DERA: variants seen among roughly 807,000 people sequenced by gnomAD.
DERA encodes the protein 2-deoxy-D-ribose 5-phosphate aldolase.
In DERA, 15 loss-of-function variants were observed where a neutral mutation model predicts 41.1. The ratio of observed to expected loss-of-function variants is 0.37; its 90% CI spans 0.24 to 0.56. The LOEUF (loss-of-function observed/expected upper bound fraction) is 0.56, where lower values mean the gene tolerates loss of function less well. Ranked by LOEUF, DERA falls within the 20% of genes least tolerant of loss-of-function variation. DERA has a pLI of 0.81. For missense variants in DERA, 396 were observed against 403.4 expected (o/e 0.98, Z 0.16); for synonymous variants, 139 against 137.4 (o/e 1.01, Z -0.08).
intron 1 of DERA, chr12:15,951,342 A>G (rs1418940206): frequency 2.0e-5 from 3 of 152,322 alleles, no homozygotes; most frequent in Non-Finnish European, 2.9e-5. Context: ...GAAACAGGGC[A>G]TTCTGACATC....
chr12:15,975,545 G>A (rs2136157903), intron 5 of DERA, among the ~76,000 whole-genome samples: 1 of 152,322 alleles, frequency 6.6e-6, no homozygotes, highest in South Asian at 2.1e-4. Context: ...TAGTCCCCAG[G>A]CAAGAAGGAG....
At chr12:16,032,366 A>C (rs867690340) in intron 6 of DERA, among the ~76,000 whole-genome samples, 176 bp from the exon 7 acceptor site, 20 of 152,304 alleles carry the variant, frequency 1.3e-4, no homozygotes, top group South Asian at 8.3e-4. Context: ...AGGGGGAAAA[A>C]GTATGGACAT....
intron 1 of DERA, among the ~76,000 whole-genome samples, chr12:15,952,280 G>T (rs1423603706): frequency 1.3e-5 from 2 of 152,128 alleles, no homozygotes; most frequent in Non-Finnish European, 2.9e-5. Flanking sequence ...ATGGATCTTG[G>T]TGTCATTTCC....
In DERA at chr12:15,989,666, T is replaced by A. The variant is rs1948788458; in HGVS notation, c.637+7230T>A. 6.6e-6 allele frequency among the ~76,000 whole-genome samples: 1 copy of A among 152,236 alleles called. No individual in the cohort carries two copies. The highest frequency in any genetic ancestry group is 1.5e-5 in the Non-Finnish European group (1 of 68,030). On this transcript the variant is annotated intron_variant, in intron 6 of 8. Coordinates refer to ENST00000428559, the MANE Select transcript of DERA (RefSeq NM_015954.4). This position sits in a 1 kb window ranked among gnomAD's most constrained non-coding sequence, Gnocchi z 5.2. ...TTCTCTGTTTTTGTTTTCCCATTAA[T>A]TTAGAATCAGAATCTCAAAGGGAAA...
In DERA at chr12:16,036,429, A is replaced by C. The variant is rs377762187; in HGVS notation, c.900+48A>C. 11 of 1,546,300 alleles carry C rather than the reference A, an allele frequency of 7.1e-6. No individual in the cohort carries two copies. In the African/African-American group the frequency reaches 1.5e-4, roughly 22 times the overall value. ...GGAATAAATTAACAAGTGTTTTTTGAGAAAGGAATTGAAAAGTCAAATTGA... is the reference window on the plus strand; with the variant it reads ...GGAATAAATTAACAAGTGTTTTTTGCGAAAGGAATTGAAAAGTCAAATTGA... On this transcript the variant is annotated intron_variant, in intron 8 of 8. Transcript: ENST00000428559. The surrounding 1 kb of genome is among the most constrained non-coding windows in gnomAD (Gnocchi z 4.9).
chr12:15,941,242 C>G lies in DERA; in HGVS notation c.32-15694C>G, dbSNP rs141128658. 1.0e-3 allele frequency among the ~76,000 whole-genome samples: 153 copies of G among 152,200 alleles called. 2 individuals carry two copies. The East Asian group carries it at 0.027, about 27-fold the overall frequency. On this transcript the variant is annotated intron_variant, in intron 1 of 8. Coordinates refer to ENST00000428559, the MANE Select transcript of DERA (RefSeq NM_015954.4). The surrounding 1 kb of genome is among the most constrained non-coding windows in gnomAD (Gnocchi z 4.5). ...GACTGTGGGTGTTGTGTGTTTGTGT[C>G]TCTTGCATGATTGAGCTCAGGCCGG...
In DERA at chr12:15,985,120, C is replaced by A. The variant is rs571800935; in HGVS notation, c.637+2684C>A. On this transcript the variant is annotated intron_variant, in intron 6 of 8. Transcript: ENST00000428559. The surrounding 1 kb of genome is among the most constrained non-coding windows in gnomAD (Gnocchi z 4.2). Reference sequence around the variant, plus strand: ...ATCATTTCCATCCTCCTAGAAATATCTTTGTGTCCCTTTATAGTCGCCTCC... The same window carrying A: ...ATCATTTCCATCCTCCTAGAAATATATTTGTGTCCCTTTATAGTCGCCTCC... The A allele has an allele frequency of 2.0e-5, 3 of 152,360 alleles. No individual in the cohort carries two copies. The highest frequency in any genetic ancestry group is 2.9e-5 in the Non-Finnish European group (2 of 68,040). 9.4% of individuals were successfully genotyped at this position (152,360 alleles called of 1,614,324 possible).
chr12:16,031,885 CAATG>C (rs1949094841), intron 6 of DERA, among the ~76,000 whole-genome samples: 1 of 152,148 alleles, frequency 6.6e-6, no homozygotes, highest in African/African-American at 2.4e-5. Context: ...GCATGGCACT[CAATG>C]AATCTTAACT....
intron 6 of DERA, among the ~76,000 whole-genome samples, chr12:16,024,436 A>G (rs1949039809): frequency 6.6e-6 from 1 of 152,222 alleles, no homozygotes; most frequent in South Asian, 2.1e-4. Context: ...TGAGAAGAAA[A>G]AATTACTACA....
chr12:15,964,153 C>T (rs1477927532), intron 5 of DERA, among the ~76,000 whole-genome samples: 1 of 152,116 alleles, frequency 6.6e-6, no homozygotes, highest in African/African-American at 2.4e-5. Context: ...GCTTCTGAAG[C>T]TCCAGCACCT....
intron 6 of DERA, among the ~76,000 whole-genome samples, chr12:16,016,047 G>T (rs1205046630): frequency 6.6e-6 from 1 of 152,094 alleles, no homozygotes; most frequent in African/African-American, 2.4e-5. Context: ...CCATCTCTTT[G>T]CTCCCTTTCT....
chr12:15,982,165 A>C lies in DERA; in HGVS notation c.509-143A>C. On this transcript the variant is annotated intron_variant, in intron 5 of 8. Coordinates refer to ENST00000428559, the MANE Select transcript of DERA (RefSeq NM_015954.4). This position sits in a 1 kb window ranked among gnomAD's most constrained non-coding sequence, Gnocchi z 4.0. ...GAACTGCAACAGAATGCTCCAGGCA[A>C]TGTTAAATTGGGGTGATTTTTAGAA... 2 of 762,820 alleles carry C rather than the reference A, an allele frequency of 2.6e-6. No homozygotes were observed. The highest frequency in any genetic ancestry group is 2.1e-6 in the Non-Finnish European group (1 of 487,684). The allele number at this position is 762,820 out of a possible 1,614,324, so 47.3% of individuals were successfully genotyped here. A position where few individuals can be genotyped will look rare whatever the true frequency, so the allele number is the denominator to read the frequency against.
rs767088651 is a variant in DERA, at chr12:15,928,946, T to A, written c.31+17532T>A. Among the ~76,000 whole-genome samples the A allele has an allele frequency of 5.9e-5, 9 of 152,200 alleles. No individual in the cohort carries two copies. Among genetic ancestry groups the A allele is most frequent in the Non-Finnish European group, 1.3e-4 (9 of 68,034 alleles). ...CTCAGCCTTCTAGATCTGTAGCTGT[T>A]AAATCCTGTCCTGCAGACGGGAGCA... On this transcript the variant is annotated intron_variant, in intron 1 of 8. Coordinates refer to ENST00000428559, the MANE Select transcript of DERA (RefSeq NM_015954.4). The surrounding 1 kb of genome is among the most constrained non-coding windows in gnomAD (Gnocchi z 4.6).
At position 15,994,233 on chromosome 12, in the gene DERA, C is replaced by G. The variant is rs1010949910; in HGVS notation, c.637+11797C>G. Among the ~76,000 whole-genome samples, 10 of 152,312 alleles carry G rather than the reference C, an allele frequency of 6.6e-5. No homozygotes were observed. The highest frequency in any genetic ancestry group is 2.9e-5 in the Non-Finnish European group (2 of 68,034). Reference sequence around the variant, plus strand: ...GAGTACAGTGGCATCAATGATATATCTGTAATCAACTTGTATAGAAACCAA... The same window carrying G: ...GAGTACAGTGGCATCAATGATATATGTGTAATCAACTTGTATAGAAACCAA... On this transcript the variant is annotated intron_variant, in intron 6 of 8. Coordinates refer to ENST00000428559, the MANE Select transcript of DERA (RefSeq NM_015954.4). The surrounding 1 kb of genome is among the most constrained non-coding windows in gnomAD (Gnocchi z 4.8).
In DERA at chr12:16,021,711, G is replaced by C. The variant is rs1199879995; in HGVS notation, c.638-10831G>C. Among the ~76,000 whole-genome samples the C allele has an allele frequency of 6.6e-6, 1 of 152,226 alleles. No homozygotes were observed. The highest frequency in any genetic ancestry group is 1.5e-5 in the Non-Finnish European group (1 of 68,042). ...GGATGCAGGACATGGAGTCAAAGGA[G>C]ATTATTTTGGAGCTTTAAGACTTAA... On this transcript the variant is annotated intron_variant, in intron 6 of 8. Coordinates refer to ENST00000428559, the MANE Select transcript of DERA (RefSeq NM_015954.4). This position sits in a 1 kb window ranked among gnomAD's most constrained non-coding sequence, Gnocchi z 5.3.
rs1049834774 is a variant in DERA, at chr12:16,017,299, A to G, written c.638-15243A>G. Reference sequence around the variant, plus strand: ...CATCATTGCTTAGTTATCGTGTTCTATTGCATTGCTAACGTGATGGACTGG... The same window carrying G: ...CATCATTGCTTAGTTATCGTGTTCTGTTGCATTGCTAACGTGATGGACTGG... On this transcript the variant is annotated intron_variant, in intron 6 of 8. Coordinates refer to ENST00000428559, the MANE Select transcript of DERA (RefSeq NM_015954.4). This position sits in a 1 kb window ranked among gnomAD's most constrained non-coding sequence, Gnocchi z 5.5. 3.3e-5 allele frequency among the ~76,000 whole-genome samples: 5 copies of G among 152,196 alleles called. No individual in the cohort carries two copies. The highest frequency in any genetic ancestry group is 1.9e-4 in the East Asian group (1 of 5,192).
At chr12:15,964,995 A>G (rs899416341) in intron 5 of DERA, among the ~76,000 whole-genome samples, 1 of 152,216 alleles carries the variant, frequency 6.6e-6, no homozygotes, top group African/African-American at 2.4e-5. Flanking sequence ...CTCTTGACCC[A>G]AACAAATTGA....
chr12:15,970,498 C>T lies in DERA; in HGVS notation c.508+7551C>T, dbSNP rs1434465015. ...GCTTCAAAATTGAGAAGATACCGTC[C>T]TTTCAGGTGGATCCTAGAGAGAAGA... is the stretch of plus-strand genomic sequence containing the variant. On this transcript the variant is annotated intron_variant, in intron 5 of 8. Transcript: ENST00000428559. This position sits in a 1 kb window ranked among gnomAD's most constrained non-coding sequence, Gnocchi z 4.3. Among the ~76,000 whole-genome samples the T allele has an allele frequency of 6.6e-6, 1 of 152,050 alleles. No homozygotes were observed. Among genetic ancestry groups the T allele is most frequent in the Admixed American group, 6.6e-5 (1 of 15,250 alleles).
At position 15,913,529 on chromosome 12, in the gene DERA, CCTTTT is replaced by C. The variant is rs1315951087; in HGVS notation, c.31+2119_31+2123del. ...TAAAATAAATTAACATTTTTGCTTC[CCTTTT>C]CTTATTACAAAAGGAATTCATGGTT... On this transcript the variant is annotated intron_variant, in intron 1 of 8. Transcript: ENST00000428559. This position sits in a 1 kb window ranked among gnomAD's most constrained non-coding sequence, Gnocchi z 4.5. Among the ~76,000 whole-genome samples, 4 of 151,946 alleles carry C rather than the reference CCTTTT, an allele frequency of 2.6e-5. No homozygotes were observed. Among genetic ancestry groups the C allele is most frequent in the South Asian group, 2.1e-4 (1 of 4,820 alleles).
Sources: gnomAD v4.1 joint callset for allele counts (sites outside exome capture counted in the v4.1 genomes callset) on GRCh38, gnomAD v4.1.1 for gene constraint, Gnocchi (gnomAD v3.1) non-coding constraint, MANE v1.5 for transcripts, NCBI Gene and HGNC (gene_info 2026-07-23, HGNC 2026-07-21) for gene names.